C1QL3: variants seen among roughly 807,000 people sequenced by gnomAD.
C1QL3 encodes the protein complement C1q like 3.
C1QL3 carries 4 observed loss-of-function variants against 16.6 expected under a neutral mutation model. The observed-to-expected ratio is 0.24, with a 90% confidence interval of 0.12 to 0.55. C1QL3 has a LOEUF of 0.55. C1QL3 is among the 20% of genes least tolerant of loss of function. The probability of loss-of-function intolerance (pLI) is 0.94; values close to 1 mark genes in which losing one functional copy is unlikely to be tolerated. For synonymous variants in C1QL3, 189 were observed against 160.2 expected (o/e 1.18, Z -1.36); for missense variants, 269 against 365.6 (o/e 0.74, Z 2.16).
At chr10:16,519,140 C>CT (rs567187339) in intron 1 of C1QL3, among the ~76,000 whole-genome samples, 3,082 of 39,494 alleles carry the variant, frequency 0.078, 579 homozygotes, top group African/African-American at 0.22. Context: ...GCATTTAGGA[C>CT]TTTTTTTTTT....
chr10:16,516,458 G>A (rs766585204), intron 1 of C1QL3, among the ~76,000 whole-genome samples: 6 of 151,772 alleles, frequency 4.0e-5, no homozygotes, highest in Non-Finnish European at 7.4e-5. Context: ...ATTTTTAATG[G>A]TGAAAAAAAT....
At chr10:16,516,250 C>T (rs116038328) in intron 1 of C1QL3, among the ~76,000 whole-genome samples, 124 of 152,148 alleles carry the variant, frequency 8.1e-4, no homozygotes, top group African/African-American at 2.8e-3. Flanking sequence ...AATATATATG[C>T]CAATTTAGTA....
rs1392954104 is a variant in C1QL3, at chr10:16,521,072, C to G, written c.-7G>C. The G allele has an allele frequency of 1.3e-6, 2 of 1,593,010 alleles. No individual in the cohort carries two copies. Among genetic ancestry groups the G allele is most frequent in the African/African-American group, 1.3e-5 (1 of 74,412 alleles). ...TCACCAGCAGCAGCACCATCACCAC[C>G]CCCAGCGCCCCGGCGGCGATCAGGC... On this transcript the variant is annotated 5_prime_UTR_variant, in exon 1 of 2. Transcript: ENST00000298943.
At chr10:16,514,831 A>G (rs1032221724) in intron 1 of C1QL3, 124 bp from the exon 2 acceptor site, 2 of 687,356 alleles carry the variant, frequency 2.9e-6, no homozygotes, top group Non-Finnish European at 4.8e-6. Flanking sequence ...AGCAAAGTCC[A>G]TGTTGACCTC....
rs1836916857 is a variant in C1QL3 at position 16,514,466 on chromosome 10, C to A, written c.*62G>T. 1.4e-6 allele frequency: 2 copies of A among 1,443,132 alleles called. No homozygotes were observed. The highest frequency in any genetic ancestry group is 2.6e-5 in the South Asian group (2 of 78,164). 89.4% of individuals were successfully genotyped at this position (1,443,132 alleles called of 1,614,324 possible). ...GGCATCCCCTGGGATCCTTGATTCA[C>A]TGACGTTAGCCATACGAATCCAGTG... On this transcript the variant is annotated 3_prime_UTR_variant, in exon 2 of 2. Transcript: ENST00000298943.
intron 1 of C1QL3, among the ~76,000 whole-genome samples, chr10:16,519,960 C>A (rs572279087): frequency 3.9e-5 from 6 of 152,320 alleles, no homozygotes; most frequent in East Asian, 1.9e-4. Flanking sequence ...CACGGTCGCT[C>A]CTCCGCTGTG....
chr10:16,521,418 C>G lies in C1QL3; in HGVS notation c.-353G>C, dbSNP rs1203482849. The G allele has an allele frequency of 5.5e-6, 1 of 181,516 alleles. No homozygotes were observed. The highest frequency in any genetic ancestry group is 1.1e-5 in the Non-Finnish European group (1 of 87,678). The allele number at this position is 181,516 out of a possible 1,614,324, so 11.2% of individuals were successfully genotyped here. On this transcript the variant is annotated 5_prime_UTR_variant, in exon 1 of 2. Transcript: ENST00000298943. ...CCTGTGGCTGCAGCCGGCGCCGGCG[C>G]GGCCACCGGGAGGGCAGAGCCAGCC...
Position 16,520,698 on chromosome 10 carries a change from G to A in C1QL3, c.368C>T (p.Thr123Met), listed in dbSNP as rs756551599. The change falls in exon 1 of 2, where the codon ACG (threonine) becomes ATG (methionine). Residue 123 changes from threonine to methionine, a missense_variant. Physicochemically the swap from Thr to Met is moderately conservative, Grantham distance 81. This residue lies in a region of C1QL3 where 246 missense variants were observed against 297.2 expected (regional missense o/e 0.83). Transcript: ENST00000298943. This position sits in a 1 kb window ranked among gnomAD's most constrained non-coding sequence, Gnocchi z 8.3. ...AGAISAATYS[T>M]VPKIAFYAGL... ...GGCGTAGAAGGCGATCTTGGGCACC[G>A]TGCTGTAGGTGGCGGCGCTGATGGC... The A allele has an allele frequency of 2.3e-5, 36 of 1,585,768 alleles. 1 individual carries two copies. The Middle Eastern group carries it at 5.0e-4, about 22-fold the overall frequency.
At position 16,513,836 on chromosome 10, in the gene C1QL3, C is replaced by CT. The variant is rs1312439434; in HGVS notation, c.*691dup. The CT allele has an allele frequency of 6.5e-6, 1 of 152,818 alleles. No individual in the cohort carries two copies. The highest frequency in any genetic ancestry group is 2.4e-5 in the African/African-American group (1 of 41,406). The allele number at this position is 152,818 out of a possible 1,614,324, so 9.5% of individuals were successfully genotyped here. On this transcript the variant is annotated 3_prime_UTR_variant, in exon 2 of 2. Transcript: ENST00000298943. ...ACATTTTCACACTTAGAGGGTAATC[C>CT]TATGATACACTGTCAATCTCTATTT...
rs551665192 is a variant in C1QL3 at position 16,520,340 on chromosome 10, C to G, written c.588+138G>C. On this transcript the variant is annotated intron_variant, in intron 1 of 1. Coordinates refer to ENST00000298943, the MANE Select transcript of C1QL3 (RefSeq NM_001010908.2). The surrounding 1 kb of genome is among the most constrained non-coding windows in gnomAD (Gnocchi z 8.3). ...CTCTCCAGGGTGGGACGGCGTCCCC[C>G]CTTGCCGTCGCTCCAGGGAGCCCGG... 3 of 659,326 alleles carry G rather than the reference C, an allele frequency of 4.6e-6. No individual in the cohort carries two copies. Among genetic ancestry groups the G allele is most frequent in the Admixed American group, 3.1e-5 (1 of 32,682 alleles). The allele number at this position is 659,326 out of a possible 1,614,324, so 40.8% of individuals were successfully genotyped here. A position where few individuals can be genotyped will look rare whatever the true frequency, so the allele number is the denominator to read the frequency against.
chr10:16,515,448 A>G (rs1295550298), intron 1 of C1QL3, among the ~76,000 whole-genome samples: 1 of 152,138 alleles, frequency 6.6e-6, no homozygotes, highest in Non-Finnish European at 1.5e-5. Flanking sequence ...AAAGTTAAAG[A>G]AAGGACTAAA....
Position 16,521,132 on chromosome 10 carries a change from G to A in C1QL3, c.-67C>T, listed in dbSNP as rs1837035542. 1.4e-6 allele frequency: 2 copies of A among 1,416,722 alleles called. No individual in the cohort carries two copies. Among genetic ancestry groups the A allele is most frequent in the Non-Finnish European group, 1.9e-6 (2 of 1,038,604 alleles). 87.8% of individuals were successfully genotyped at this position (1,416,722 alleles called of 1,614,324 possible). A position where few individuals can be genotyped will look rare whatever the true frequency, so the allele number is the denominator to read the frequency against. ...TGCCCACCAGCCGGCTCAGCGCGGGGCGATCCTCTTGTCTGCTTTTGGACA... is the reference window on the plus strand; with the variant it reads ...TGCCCACCAGCCGGCTCAGCGCGGGACGATCCTCTTGTCTGCTTTTGGACA... On this transcript the variant is annotated 5_prime_UTR_variant, in exon 1 of 2. Coordinates refer to ENST00000298943, the MANE Select transcript of C1QL3 (RefSeq NM_001010908.2).
Position 16,520,557 on chromosome 10 carries a change from A to G in C1QL3, c.509T>C (p.Ile170Thr), listed in dbSNP as rs965730939. 7.4e-6 allele frequency: 12 copies of G among 1,613,336 alleles called. No homozygotes were observed. The Middle Eastern group carries it at 5.0e-4, about 67-fold the overall frequency. ...CAGGACGTGGTAGGTGAAGAAGTAG[A>G]TGCCCGGGATGGAGCAGGTGAACTT... ...TGKFTCSIPG[I>T]YFFTYHVLMR... Residue 170 changes from isoleucine (I) to threonine (T), a missense_variant, in exon 1 of 2, where the codon ATC becomes ACC. This residue lies in a region of C1QL3 where 246 missense variants were observed against 297.2 expected (regional missense o/e 0.83). Transcript: ENST00000298943. The surrounding 1 kb of genome is among the most constrained non-coding windows in gnomAD (Gnocchi z 8.3).
chr10:16,514,520 C>A lies in C1QL3; in HGVS notation c.*8G>T, dbSNP rs1187125542. 1 of 1,610,748 alleles carries A rather than the reference C, an allele frequency of 6.2e-7. No individual in the cohort carries two copies. Among genetic ancestry groups the A allele is most frequent in the Non-Finnish European group, 8.5e-7 (1 of 1,177,646 alleles). ...AAACTCAGAATAATAAGCTTAGTTTCTGCATTATCAGTCAGCATAAATAAT... is the reference window on the plus strand; with the variant it reads ...AAACTCAGAATAATAAGCTTAGTTTATGCATTATCAGTCAGCATAAATAAT... On this transcript the variant is annotated 3_prime_UTR_variant, in exon 2 of 2. Transcript: ENST00000298943.
At chr10:16,518,265 C>T (rs1836983778) in intron 1 of C1QL3, among the ~76,000 whole-genome samples, 1 of 152,112 alleles carries the variant, frequency 6.6e-6, no homozygotes, top group African/African-American at 2.4e-5. Context: ...AGATAAAATT[C>T]CTTAACTGTA....
chr10:16,514,015 C>G lies in C1QL3; in HGVS notation c.*513G>C. The G allele has an allele frequency of 3.5e-6, 1 of 288,004 alleles. No homozygotes were observed. Among genetic ancestry groups the G allele is most frequent in the Admixed American group, 5.1e-5 (1 of 19,464 alleles). 17.8% of individuals were successfully genotyped at this position (288,004 alleles called of 1,614,324 possible). On this transcript the variant is annotated 3_prime_UTR_variant, in exon 2 of 2. Transcript: ENST00000298943. ...TTCCCAGGTCTAGCTCTAAGGTTAA[C>G]AAGAGTACAAGGCAAACAATTTCTT...
chr10:16,514,833 G>A (rs938595526), intron 1 of C1QL3, 126 bp from the exon 2 acceptor site: 9 of 677,908 alleles, frequency 1.3e-5, no homozygotes, highest in Non-Finnish European at 2.2e-5. Flanking sequence ...CAAAGTCCAT[G>A]TTGACCTCAG....
chr10:16,520,823 G>A lies in C1QL3; in HGVS notation c.243C>T (p.Pro81=), dbSNP rs1325743980. The A allele has an allele frequency of 4.4e-6, 6 of 1,362,416 alleles. No individual in the cohort carries two copies. Among genetic ancestry groups the A allele is most frequent in the Non-Finnish European group, 5.7e-6 (6 of 1,060,414 alleles). 84.4% of individuals were successfully genotyped at this position (1,362,416 alleles called of 1,614,324 possible). A position where few individuals can be genotyped will look rare whatever the true frequency, so the allele number is the denominator to read the frequency against. Residue 81 remains proline, a synonymous_variant, in exon 1 of 2, where the codon CCC becomes CCT. Transcript: ENST00000298943. The surrounding 1 kb of genome is among the most constrained non-coding windows in gnomAD (Gnocchi z 8.3). ...GGGGCCCCATGGGGCCGGGTGGCCC[G>A]GGCTCTCCGGGGGGCCCGCGCGGAC... is the stretch of plus-strand genomic sequence containing the variant. ...KAGPRGPPGE[P]GPPGPMGPPG...
At position 16,514,148 on chromosome 10, in the gene C1QL3, C is replaced by T. The variant is rs533294249; in HGVS notation, c.*380G>A. ...GTATCATAATAAGCAGGTAAACTCA[C>T]AAGAACCAAAGCTGACATATGGATA... is the stretch of plus-strand genomic sequence containing the variant. On this transcript the variant is annotated 3_prime_UTR_variant, in exon 2 of 2. Transcript: ENST00000298943. 3.0e-5 allele frequency: 12 copies of T among 398,654 alleles called. No homozygotes were observed. Among genetic ancestry groups the T allele is most frequent in the Non-Finnish European group, 4.9e-5 (11 of 226,252 alleles). The allele number at this position is 398,654 out of a possible 1,614,324, so 24.7% of individuals were successfully genotyped here. A position where few individuals can be genotyped will look rare whatever the true frequency, so the allele number is the denominator to read the frequency against.
Sources: allele counts gnomAD v4.1 joint callset (sites outside exome capture counted in the v4.1 genomes callset), GRCh38; gene constraint gnomAD v4.1.1; regional missense constraint gnomAD v4.1.1; non-coding constraint Gnocchi (gnomAD v3.1); transcripts MANE v1.5; gene names NCBI Gene and HGNC (gene_info 2026-07-23, HGNC 2026-07-21).